Variants in GABPB2 observed in about 807,000 individuals in gnomAD.
GABPB2 encodes the protein GA-binding protein subunit beta-2.
A neutral mutation model predicts 39.1 loss-of-function variants in GABPB2; 23 were observed. That is an observed-to-expected ratio of 0.59 (90% CI 0.42 to 0.83). The LOEUF (loss-of-function observed/expected upper bound fraction) is 0.83. GABPB2 is among the 40% of genes least tolerant of loss of function. GABPB2 has a pLI of 0.00. For synonymous variants in GABPB2, 184 were observed against 199.3 expected (o/e 0.92, Z 0.65); for missense variants, 467 against 541.1 (o/e 0.86, Z 1.36).
chr1:151,106,557 C>CT (rs1679982252), intron 6 of GABPB2, among the ~76,000 whole-genome samples: 2 of 151,950 alleles, frequency 1.3e-5, no homozygotes, highest in Non-Finnish European at 2.9e-5. Flanking sequence ...AGGCTGGTCT[C>CT]TAACTCCTGG....
intron 2 of GABPB2, among the ~76,000 whole-genome samples, chr1:151,089,873 G>A (rs1357083612): frequency 6.6e-6 from 1 of 151,390 alleles, no homozygotes; most frequent in Non-Finnish European, 1.5e-5. Flanking sequence ...AAATCCACCT[G>A]ACATAAAGCC....
intron 1 of GABPB2, among the ~76,000 whole-genome samples, chr1:151,071,305 C>G (rs370339633): frequency 6.6e-6 from 1 of 152,220 alleles, no homozygotes; most frequent in East Asian, 1.9e-4. Context: ...ATCTTTCAGA[C>G]AGACATTGGT....
chr1:151,106,426 C>T (rs1679972011), intron 6 of GABPB2, among the ~76,000 whole-genome samples: 1 of 152,182 alleles, frequency 6.6e-6, no homozygotes, highest in Admixed American at 6.5e-5. Flanking sequence ...CAACCTCTGC[C>T]TCCCAGGCTC....
At chr1:151,104,815 C>T (rs587622970) in intron 6 of GABPB2, among the ~76,000 whole-genome samples, 36 of 29,732 alleles carry the variant, frequency 1.2e-3, no homozygotes, top group East Asian at 5.9e-3. Flanking sequence ...TCTTTCTTTC[C>T]TTTCTTTCTT....
intron 7 of GABPB2, among the ~76,000 whole-genome samples, chr1:151,115,593 G>A (rs919974164): frequency 6.6e-6 from 1 of 151,540 alleles, no homozygotes; most frequent in Non-Finnish European, 1.5e-5. Flanking sequence ...TAGAGATGGG[G>A]TTTCACCATG....
chr1:151,093,896 A>G (rs1266434054), intron 4 of GABPB2, among the ~76,000 whole-genome samples: 1 of 152,092 alleles, frequency 6.6e-6, no homozygotes, highest in African/African-American at 2.4e-5. Flanking sequence ...TAACCCCATC[A>G]TAAGTCAGAT....
chr1:151,103,566 C>A lies in GABPB2; in HGVS notation c.627C>A (p.Asp209Glu). The A allele has an allele frequency of 6.2e-7, 1 of 1,610,146 alleles. No homozygotes were observed. The highest frequency in any genetic ancestry group is 2.2e-5 in the East Asian group (1 of 44,854). Residue 209 changes from aspartate to glutamate, a missense_variant, in exon 6 of 9, where the codon GAC (aspartate) becomes GAA (glutamate). Transcript: ENST00000368918. ...SSTNTKTTSG[D>E]PHASTVQFSN... ...TTGTCTTTCTTACTGAAATAGGTGA[C>A]CCCCATGCCTCAACAGTACAGTTTT...
chr1:151,085,319 C>A (rs940618521), intron 1 of GABPB2, among the ~76,000 whole-genome samples: 12 of 152,084 alleles, frequency 7.9e-5, no homozygotes, highest in African/African-American at 2.9e-4. Context: ...ATCGCTTGTA[C>A]CTGGGAAGCA....
At chr1:151,083,890 G>A (rs587638067) in intron 1 of GABPB2, among the ~76,000 whole-genome samples, 6 of 150,124 alleles carry the variant, frequency 4.0e-5, no homozygotes, top group Non-Finnish European at 7.4e-5. Context: ...ACAGGCACCC[G>A]CCACCATGCC....
At chr1:151,102,533 C>A (rs1292973540) in intron 5 of GABPB2, among the ~76,000 whole-genome samples, 1 of 151,988 alleles carries the variant, frequency 6.6e-6, no homozygotes, top group Non-Finnish European at 1.5e-5. Context: ...ATCTCCACTT[C>A]CTAAGTTCAA....
At chr1:151,074,796 T>G (rs1319338509) in intron 1 of GABPB2, among the ~76,000 whole-genome samples, 2 of 152,118 alleles carry the variant, frequency 1.3e-5, no homozygotes, top group Non-Finnish European at 2.9e-5. Flanking sequence ...ATGGCCTGTT[T>G]TATCAGCAAA....
chr1:151,073,663 C>A (rs587669298), intron 1 of GABPB2, among the ~76,000 whole-genome samples: 16 of 152,082 alleles, frequency 1.1e-4, no homozygotes, highest in African/African-American at 3.9e-4. Context: ...GGCTCATCCC[C>A]GTAATCCCAG....
At chr1:151,088,493 TG>T in intron 2 of GABPB2, 196 bp downstream of exon 2, 1 of 1,302,484 alleles carries the variant, frequency 7.7e-7, no homozygotes, top group South Asian at 1.3e-5. Context: ...GAGTCTCCTG[TG>T]GATATATAGG....
rs1677005517 is a variant in GABPB2, at chr1:151,074,533, A to G, written c.-1+3599A>G. Among the ~76,000 whole-genome samples, 6 of 143,860 alleles carry G rather than the reference A, an allele frequency of 4.2e-5. No individual in the cohort carries two copies. In the South Asian group the frequency reaches 1.3e-3, roughly 32 times the overall value. 94.4% of individuals were successfully genotyped at this position (143,860 alleles called of 152,430 possible). On this transcript the variant is annotated intron_variant, in intron 1 of 8. Coordinates refer to ENST00000368918, the MANE Select transcript of GABPB2 (RefSeq NM_144618.3). Reference sequence around the variant, plus strand: ...ACGGGGTTTCACCACGTTAGCCAGGATGGTCTCGATCTCCTGACCTCATGA... The same window carrying G: ...ACGGGGTTTCACCACGTTAGCCAGGGTGGTCTCGATCTCCTGACCTCATGA...
At chr1:151,117,041 C>T (rs375893949) in intron 7 of GABPB2, among the ~76,000 whole-genome samples, 221 of 152,298 alleles carry the variant, frequency 1.5e-3, no homozygotes, top group Non-Finnish European at 2.5e-3. Flanking sequence ...CCTTTTTGAG[C>T]CATTCTCAGT....
intron 1 of GABPB2, among the ~76,000 whole-genome samples, chr1:151,086,714 C>T (rs1678228387): frequency 6.6e-6 from 1 of 151,526 alleles, no homozygotes; most frequent in Admixed American, 6.6e-5. Context: ...GTTGCCCAGG[C>T]TAGAGTGCAG....
chr1:151,114,496 G>A (rs1167074061), intron 7 of GABPB2, among the ~76,000 whole-genome samples: 7 of 151,940 alleles, frequency 4.6e-5, no homozygotes, highest in African/African-American at 1.5e-4. Flanking sequence ...TCAAGAGATC[G>A]AGACCATCCT....
At chr1:151,092,075 G>A (rs1460162417) in intron 3 of GABPB2, among the ~76,000 whole-genome samples, 1 of 151,300 alleles carries the variant, frequency 6.6e-6, no homozygotes, top group Admixed American at 6.6e-5. Flanking sequence ...CAGGTGTGGG[G>A]TTACTGTGCC....
At chr1:151,075,836 C>G (rs1406842660) in intron 1 of GABPB2, among the ~76,000 whole-genome samples, 1 of 152,126 alleles carries the variant, frequency 6.6e-6, no homozygotes, top group Non-Finnish European at 1.5e-5. Context: ...TGGAGTTGCT[C>G]TGGTTCAAAC....
Sources: allele counts gnomAD v4.1 joint callset (sites outside exome capture counted in the v4.1 genomes callset), GRCh38; gene constraint gnomAD v4.1.1; transcripts MANE v1.5; gene names NCBI Gene and HGNC (gene_info 2026-07-23, HGNC 2026-07-21).